Variants in CYFIP2 observed in about 807,000 individuals in gnomAD.
The protein encoded by CYFIP2 is cytoplasmic FMR1 interacting protein 2, also known as cytoplasmic FMR1-interacting protein 2.
CYFIP2 carries 29 observed loss-of-function variants against 158.7 expected under a neutral mutation model. The observed-to-expected ratio is 0.18, with a 90% confidence interval of 0.14 to 0.25. The LOEUF is 0.25. Ranked by LOEUF, CYFIP2 falls within the 10% of genes least tolerant of loss-of-function variation. The pLI, the probability that CYFIP2 is intolerant of heterozygous loss-of-function variation, is 1.00. For missense variants in CYFIP2, 852 were observed against 1,639.5 expected (o/e 0.52, Z 8.29); for synonymous variants, 585 against 617.6 (o/e 0.95, Z 0.78).
chr5:157,359,933 G>A (rs1051407598), intron 24 of CYFIP2, among the ~76,000 whole-genome samples: 1 of 152,208 alleles, frequency 6.6e-6, no homozygotes, highest in South Asian at 2.1e-4. Context: ...CAGGAGGGAT[G>A]AATGTGCCAT....
intron 1 of CYFIP2, among the ~76,000 whole-genome samples, chr5:157,278,867 A>C (rs1580956121): frequency 6.6e-6 from 1 of 152,208 alleles, no homozygotes; most frequent in Non-Finnish European, 1.5e-5. Context: ...GCCACTCTCT[A>C]CCTGAGTCAG....
In CYFIP2 at chr5:157,375,251, C is replaced by T. The variant is rs145124824; in HGVS notation, c.3040-7339C>T. Among the ~76,000 whole-genome samples, 592 of 152,314 alleles carry T rather than the reference C, an allele frequency of 3.9e-3. 3 individuals carry two copies. The highest frequency in any genetic ancestry group is 0.013 in the African/African-American group (554 of 41,578). ...AAGGCAATCCTGAGAGGCCATAGCT[C>T]TGGTTTATCACCCATTTCTTCATTT... On this transcript the variant is annotated intron_variant, in intron 26 of 30. Coordinates refer to ENST00000620254, the MANE Select transcript of CYFIP2 (RefSeq NM_001037333.3).
At chr5:157,344,069 G>T (rs1027798637) in intron 23 of CYFIP2, among the ~76,000 whole-genome samples, 1 of 152,052 alleles carries the variant, frequency 6.6e-6, no homozygotes, top group Non-Finnish European at 1.5e-5. Flanking sequence ...TGTTGCCCAT[G>T]GTGAGTGGAA....
At chr5:157,279,688 C>T (rs1238738875) in intron 1 of CYFIP2, among the ~76,000 whole-genome samples, 2 of 152,360 alleles carry the variant, frequency 1.3e-5, no homozygotes, top group East Asian at 1.9e-4. Context: ...ATGCCCGCCA[C>T]TGAGAATTTG....
At chr5:157,347,972 C>A (rs986649333) in intron 23 of CYFIP2, among the ~76,000 whole-genome samples, 1 of 152,220 alleles carries the variant, frequency 6.6e-6, no homozygotes. Context: ...CCAGTGCAGC[C>A]GTTTGTGAAG....
At chr5:157,287,185 G>T in intron 3 of CYFIP2, 77 bp downstream of exon 3, 1 of 1,158,316 alleles carries the variant, frequency 8.6e-7, no homozygotes, top group South Asian at 1.3e-5. Flanking sequence ...TCTCACACCA[G>T]AGGCATGTGC....
At chr5:157,310,455 C>T (rs1441257653) in intron 10 of CYFIP2, among the ~76,000 whole-genome samples, 1 of 152,144 alleles carries the variant, frequency 6.6e-6, no homozygotes, top group African/African-American at 2.4e-5. Context: ...TAGTCAAGGG[C>T]GAGTGTGTTG....
chr5:157,391,300 A>G (rs1010283656), intron 30 of CYFIP2, among the ~76,000 whole-genome samples: 10 of 152,206 alleles, frequency 6.6e-5, no homozygotes, highest in African/African-American at 2.4e-4. Context: ...TTTTTTAAAA[A>G]ATACACATAA....
chr5:157,366,026 A>G (rs1413813469), intron 26 of CYFIP2, among the ~76,000 whole-genome samples: 1 of 152,074 alleles, frequency 6.6e-6, no homozygotes, highest in African/African-American at 2.4e-5. Context: ...GGAAATACCT[A>G]TTAGGTTAGC....
intron 1 of CYFIP2, among the ~76,000 whole-genome samples, chr5:157,282,777 T>C (rs1757087050): frequency 6.6e-6 from 1 of 152,242 alleles, no homozygotes; most frequent in Non-Finnish European, 1.5e-5. Flanking sequence ...GTAGTCAAAC[T>C]TTTGGATTTG....
At chr5:157,382,935 A>C (rs892701634) in intron 27 of CYFIP2, among the ~76,000 whole-genome samples, 38 of 152,280 alleles carry the variant, frequency 2.5e-4, no homozygotes, top group African/African-American at 8.4e-4. Context: ...AAGATTATAG[A>C]AATGACACTC....
At chr5:157,337,470 C>T (rs369171728) in intron 21 of CYFIP2, among the ~76,000 whole-genome samples, 6 of 152,364 alleles carry the variant, frequency 3.9e-5, no homozygotes, top group East Asian at 3.9e-4. Flanking sequence ...CTCTTCACCC[C>T]AGTTGATCTC....
chr5:157,304,467 A>G, intron 8 of CYFIP2, 101 bp downstream of exon 8: 1 of 1,367,756 alleles, frequency 7.3e-7, no homozygotes, highest in Non-Finnish European at 1.0e-6. Flanking sequence ...TTTTTTCTTA[A>G]ACATTGATAC....
At chr5:157,296,253 T>C (rs1758247045) in intron 4 of CYFIP2, among the ~76,000 whole-genome samples, 1 of 152,150 alleles carries the variant, frequency 6.6e-6, no homozygotes. Context: ...GCATATCAGT[T>C]ATCATCCAAA....
At position 157,300,731 on chromosome 5, in the gene CYFIP2, G is replaced by A. The variant is rs1357183737; in HGVS notation, c.404G>A (p.Arg135Gln). ...TGCCCCCAGCGCAAGGCCATCGAGC[G>A]GTTCTGCAGCGAGGTGAAGCGGCTG... ...FMYFQRKAIE[R>Q]FCSEVKRLCH... Residue 135 changes from arginine to glutamine, a missense_variant, in exon 6 of 31, where the codon CGG (arginine) becomes CAG (glutamine). Around this residue, in one of 8 missense-constraint regions of CYFIP2, gnomAD observed 123 missense variants for 316.7 expected, o/e 0.39. Transcript: ENST00000620254. 2 of 1,602,672 alleles carry A rather than the reference G, an allele frequency of 1.2e-6. No individual in the cohort carries two copies. The highest frequency in any genetic ancestry group is 1.7e-6 in the Non-Finnish European group (2 of 1,173,524).
At chr5:157,282,554 G>T (rs1346949785) in intron 1 of CYFIP2, among the ~76,000 whole-genome samples, 1 of 152,252 alleles carries the variant, frequency 6.6e-6, no homozygotes, top group Admixed American at 6.5e-5. Context: ...TAGTCCTGCT[G>T]TGAATGGCCT....
chr5:157,310,971 G>A (rs1371602025), intron 10 of CYFIP2: 1 of 455,820 alleles, frequency 2.2e-6, no homozygotes, highest in Non-Finnish European at 4.4e-6. Flanking sequence ...GAGTGAAGAT[G>A]TTCATTCATT....
rs768490332 is a variant in CYFIP2 at position 157,320,708 on chromosome 5, C to T, written c.1577C>T (p.Pro526Leu). ...TGTGACTGGGAGGGAGGGCGAGAGCCCCCTAATGACCCATGCTTGAGAGGG... is the reference window on the plus strand; with the variant it reads ...TGTGACTGGGAGGGAGGGCGAGAGCTCCCTAATGACCCATGCTTGAGAGGG... The part of the protein sequence containing the change: ...TICDWEGGRE[P>L]PNDPCLRGEK... The change falls in exon 15 of 31, where the codon CCC becomes CTC. Residue 526 changes from proline to leucine, a missense_variant. Physicochemically the swap from Pro to Leu is moderately conservative, Grantham distance 98 (BLOSUM62 -3). Transcript: ENST00000620254. 1.2e-6 allele frequency: 2 copies of T among 1,613,746 alleles called. No homozygotes were observed. The highest frequency in any genetic ancestry group is 1.7e-6 in the Non-Finnish European group (2 of 1,179,788).
intron 9 of CYFIP2, among the ~76,000 whole-genome samples, chr5:157,309,388 C>T (rs1196824647): frequency 3.3e-5 from 5 of 152,188 alleles, no homozygotes; most frequent in Admixed American, 3.3e-4. Context: ...ATCATAACAG[C>T]AAGGATGCTT....
Sources: allele counts gnomAD v4.1 joint callset (sites outside exome capture counted in the v4.1 genomes callset), GRCh38; gene constraint gnomAD v4.1.1; regional missense constraint gnomAD v4.1.1; transcripts MANE v1.5; gene names NCBI Gene and HGNC (gene_info 2026-07-23, HGNC 2026-07-21).